The following CPSF2 variants were observed in gnomAD, a reference collection of about 807,000 sequenced individuals.
The protein encoded by CPSF2 is cleavage and polyadenylation specific factor 2.
In CPSF2, 51 loss-of-function variants were observed where a neutral mutation model predicts 84.2. That is an observed-to-expected ratio of 0.61 (90% confidence interval 0.48 to 0.77). CPSF2 has a LOEUF of 0.77. Ranked by LOEUF, CPSF2 falls within the 30% of genes least tolerant of loss-of-function variation. The probability of loss-of-function intolerance (pLI) is 0.00; values close to 1 mark genes in which losing one functional copy is unlikely to be tolerated. For missense variants in CPSF2, 641 were observed against 929.4 expected (o/e 0.69, Z 4.03); for synonymous variants, 286 against 311.9 (o/e 0.92, Z 0.87).
chr14:92,139,358 AG>A (rs1422765704), intron 7 of CPSF2, among the ~76,000 whole-genome samples: 1 of 151,658 alleles, frequency 6.6e-6, no homozygotes, highest in Admixed American at 6.6e-5. Context: ...CGGAGCTTGC[AG>A]TGAGCTGAGA....
chr14:92,151,457 AC>A (rs2069216132), intron 9 of CPSF2, among the ~76,000 whole-genome samples: 2 of 106,676 alleles, frequency 1.9e-5, no homozygotes, highest in Admixed American at 1.1e-4. Context: ...AAAAATTAAC[AC>A]AACAGAGTAT....
chr14:92,159,847 ATT>A (rs879469922), intron 14 of CPSF2, among the ~76,000 whole-genome samples: 2 of 143,908 alleles, frequency 1.4e-5, no homozygotes, highest in Admixed American at 7.0e-5. Flanking sequence ...TTGTTTCATG[ATT>A]TTTTTTTTTT....
In CPSF2 at chr14:92,169,714, T is replaced by C. The variant is rs533740426; in HGVS notation, c.*7970T>C. ...AGAGAATTATGTGGCATGAGGAGGA[T>C]TGAGAATGTTGTTCATTTTATCTAA... On this transcript the variant is annotated 3_prime_UTR_variant, in exon 16 of 16. Coordinates refer to ENST00000298875, the MANE Select transcript of CPSF2 (RefSeq NM_017437.3). 6 of 150,470 alleles carry C rather than the reference T, an allele frequency of 4.0e-5. No individual in the cohort carries two copies. The Middle Eastern group carries it at 0.014, about 346-fold the overall frequency. 9.3% of individuals were successfully genotyped at this position (150,470 alleles called of 1,614,324 possible). A position where few individuals can be genotyped will look rare whatever the true frequency, so the allele number is the denominator to read the frequency against.
intron 1 of CPSF2, among the ~76,000 whole-genome samples, chr14:92,123,815 T>C (rs2068811581): frequency 6.6e-6 from 1 of 152,246 alleles, no homozygotes; most frequent in Non-Finnish European, 1.5e-5. Context: ...CATTCCTTCT[T>C]GCAGTACCCA....
intron 9 of CPSF2, among the ~76,000 whole-genome samples, chr14:92,149,308 G>A (rs1304607816): frequency 6.6e-6 from 1 of 152,334 alleles, no homozygotes; most frequent in Admixed American, 6.5e-5. Flanking sequence ...GAGAGGCTGG[G>A]CGTCATGGCC....
chr14:92,143,045 C>T lies in CPSF2; in HGVS notation c.891C>T (p.Asp297=). ...MSDKLMRCFE[D]KRNNPFQFRH... ...ATAAATTGATGAGATGTTTTGAAGA[C>T]AAAAGAAATAATCCGTTTCAGTTTC... The change falls in exon 9 of 16, where the codon GAC becomes GAT. Residue 297 remains aspartate, a synonymous_variant. Transcript: ENST00000298875. 4 of 1,613,626 alleles carry T rather than the reference C, an allele frequency of 2.5e-6. No individual in the cohort carries two copies. The highest frequency in any genetic ancestry group is 3.4e-6 in the Non-Finnish European group (4 of 1,179,704).
intron 9 of CPSF2, among the ~76,000 whole-genome samples, chr14:92,147,846 C>A (rs573519745): frequency 3.3e-5 from 5 of 152,284 alleles, no homozygotes; most frequent in African/African-American, 1.2e-4. Context: ...GCTTAAGCCT[C>A]CCAATTAGTT....
Position 92,161,775 on chromosome 14 carries a change from CCTTT to C in CPSF2, c.*34_*37del, listed in dbSNP as rs1567027921. ...ATGATGTCAAGAAGTATCTGCTTGA[CCTTT>C]CTAAGAAAAAGGGATTCTTATCTTA... On this transcript the variant is annotated 3_prime_UTR_variant, in exon 16 of 16. Transcript: ENST00000298875. The C allele has an allele frequency of 7.9e-7, 1 of 1,260,804 alleles. No homozygotes were observed. The highest frequency in any genetic ancestry group is 1.6e-5 in the African/African-American group (1 of 64,344). 78.1% of individuals were successfully genotyped at this position (1,260,804 alleles called of 1,614,324 possible).
At chr14:92,135,687 G>A (rs1306522745) in intron 6 of CPSF2, among the ~76,000 whole-genome samples, 191 bp downstream of exon 6, 1 of 152,164 alleles carries the variant, frequency 6.6e-6, no homozygotes, top group Non-Finnish European at 1.5e-5. Flanking sequence ...AGACATAAGA[G>A]ATTTTAAAAA....
At chr14:92,151,865 G>A (rs1463424922) in intron 9 of CPSF2, among the ~76,000 whole-genome samples, 1 of 151,806 alleles carries the variant, frequency 6.6e-6, no homozygotes, top group Non-Finnish European at 1.5e-5. Context: ...GTCAAGACTC[G>A]GTCTCTACAA....
Position 92,161,193 on chromosome 14 carries a change from G to T in CPSF2, c.2203G>T (p.Ala735Ser). 3 of 1,613,812 alleles carry T rather than the reference G, an allele frequency of 1.9e-6. No individual in the cohort carries two copies. The East Asian group carries it at 6.7e-5, about 36-fold the overall frequency. The change falls in exon 15 of 16, where the codon GCT becomes TCT. Residue 735 changes from alanine to serine, a missense_variant. Ala to Ser is a moderately conservative substitution (Grantham distance 99). Transcript: ENST00000298875. ...AGTTCTCTTACGGGAGGGGATTCAA[G>T]CTGAATTTGTAGGAGGTGTACTTGT... Reference protein sequence around the residue: ...KQVLLREGIQAEFVGGVLVCN... With the variant: ...KQVLLREGIQSEFVGGVLVCN...
rs10145918 is a variant in CPSF2, at chr14:92,166,540, T to G, written c.*4796T>G. 0.51 allele frequency: 77,830 copies of G among 151,786 alleles called. 21,509 individuals carry two copies. The highest frequency in any genetic ancestry group is 0.98 in the East Asian group (5,057 of 5,146). 9.4% of individuals were successfully genotyped at this position (151,786 alleles called of 1,614,324 possible). ...TTTTAAAATTTTTTTGTGAAGACAG[T>G]TTCTCACTCTGTTGCCCAAGCTGGT... On this transcript the variant is annotated 3_prime_UTR_variant, in exon 16 of 16. Coordinates refer to ENST00000298875, the MANE Select transcript of CPSF2 (RefSeq NM_017437.3).
At chr14:92,159,428 T>TG in intron 14 of CPSF2, 146 bp downstream of exon 14, 1 of 647,270 alleles carries the variant, frequency 1.5e-6, no homozygotes, top group African/African-American at 1.8e-5. Context: ...ATATGTCAGC[T>TG]GGGGGCAGTG....
At chr14:92,128,975 G>C (rs2068880608) in intron 2 of CPSF2, among the ~76,000 whole-genome samples, 1 of 152,136 alleles carries the variant, frequency 6.6e-6, no homozygotes, top group Admixed American at 6.6e-5. Context: ...AATGAGGCCA[G>C]GTGAATAGAT....
At chr14:92,143,409 A>T in intron 9 of CPSF2, 115 bp downstream of exon 9, 1 of 794,422 alleles carries the variant, frequency 1.3e-6, no homozygotes, top group Non-Finnish European at 1.9e-6. Flanking sequence ...TTTTTATCAG[A>T]ATTACTCTTG....
intron 15 of CPSF2, 127 bp downstream of exon 15, chr14:92,161,373 G>T: frequency 9.3e-7 from 1 of 1,073,328 alleles, no homozygotes. Flanking sequence ...TCATGATCAT[G>T]ACCTCAAAGG....
intron 3 of CPSF2, among the ~76,000 whole-genome samples, chr14:92,133,652 A>G (rs61976580): frequency 0.2 from 29,901 of 147,834 alleles, 3,244 homozygotes; most frequent in East Asian, 0.29. Context: ...TTTTATAGAG[A>G]ACGGTGTTTT....
At chr14:92,132,323 C>T (rs2068942618) in intron 3 of CPSF2, among the ~76,000 whole-genome samples, 1 of 151,664 alleles carries the variant, frequency 6.6e-6, no homozygotes, top group African/African-American at 2.4e-5. Context: ...TTAGTAGAAA[C>T]AGGGTTTCAC....
rs560460004 is a variant in CPSF2 at position 92,168,850 on chromosome 14, T to C, written c.*7106T>C. On this transcript the variant is annotated 3_prime_UTR_variant, in exon 16 of 16. Transcript: ENST00000298875. ...GGTTGAGACTGCACTGAGTCTTGAATGAATGAATCCATCTCTCTTTCTCTC... is the reference window on the plus strand; with the variant it reads ...GGTTGAGACTGCACTGAGTCTTGAACGAATGAATCCATCTCTCTTTCTCTC... 1 of 152,290 alleles carries C rather than the reference T, an allele frequency of 6.6e-6. No homozygotes were observed. Among genetic ancestry groups the C allele is most frequent in the East Asian group, 1.9e-4 (1 of 5,184 alleles). The allele number at this position is 152,290 out of a possible 1,614,324, so 9.4% of individuals were successfully genotyped here. A position where few individuals can be genotyped will look rare whatever the true frequency, so the allele number is the denominator to read the frequency against.
Sources: allele counts gnomAD v4.1 joint callset (sites outside exome capture counted in the v4.1 genomes callset), GRCh38; gene constraint gnomAD v4.1.1; transcripts MANE v1.5; gene names NCBI Gene and HGNC (gene_info 2026-07-23, HGNC 2026-07-21).